Variants in DENND5A observed in about 807,000 individuals in gnomAD.
The protein encoded by DENND5A is DENN domain-containing protein 5A.
Under a neutral mutation model 140.3 loss-of-function variants are expected in DENND5A, and 64 were observed. That is an observed-to-expected ratio of 0.46 (90% confidence interval 0.37 to 0.56). The LOEUF is 0.56. Ranked by LOEUF, DENND5A falls within the 20% of genes least tolerant of loss-of-function variation. The pLI, the probability that DENND5A is intolerant of heterozygous loss-of-function variation, is 0.00. For synonymous variants in DENND5A, 605 were observed against 607.7 expected (o/e 1.00, Z 0.07); for missense variants, 1,292 against 1,593.8 (o/e 0.81, Z 3.22).
intron 3 of DENND5A, among the ~76,000 whole-genome samples, chr11:9,205,178 T>C (rs995010669): frequency 6.6e-6 from 1 of 152,314 alleles, no homozygotes; most frequent in African/African-American, 2.4e-5. Context: ...GCTCATTTCA[T>C]ATAAACCAAG....
chr11:9,193,237 A>C (rs1010944994), intron 5 of DENND5A, among the ~76,000 whole-genome samples: 1 of 152,222 alleles, frequency 6.6e-6, no homozygotes, highest in African/African-American at 2.4e-5. Context: ...TTAAAAAGCA[A>C]AACAAAACAA....
intron 21 of DENND5A, 25 bp from the exon 22 acceptor site, chr11:9,142,133 A>T: frequency 6.4e-7 from 1 of 1,554,688 alleles, no homozygotes; most frequent in Non-Finnish European, 8.7e-7. Flanking sequence ...AAAGCTTGCC[A>T]GTGAAAAGGC....
chr11:9,263,438 T>C (rs1045222503), intron 1 of DENND5A, among the ~76,000 whole-genome samples: 1 of 150,986 alleles, frequency 6.6e-6, no homozygotes, highest in African/African-American at 2.4e-5. Flanking sequence ...GCCAAATTGG[T>C]CTCGAACTCC....
chr11:9,144,699 G>C (rs1380959010), intron 18 of DENND5A, among the ~76,000 whole-genome samples: 1 of 151,482 alleles, frequency 6.6e-6, no homozygotes, highest in Non-Finnish European at 1.5e-5. Context: ...TGAGGCAGGA[G>C]AATCGCCTCA....
chr11:9,213,808 C>CAAAA (rs3074627), intron 1 of DENND5A, among the ~76,000 whole-genome samples: 2 of 69,628 alleles, frequency 2.9e-5, no homozygotes, highest in East Asian at 4.6e-4. Flanking sequence ...CTCCGTCTCC[C>CAAAA]AAAAAAAAAA....
At chr11:9,145,642 C>T (rs751721182) in intron 17 of DENND5A, 28 bp downstream of exon 17, 82 of 1,613,328 alleles carry the variant, frequency 5.1e-5, no homozygotes, top group Non-Finnish European at 6.7e-5. Flanking sequence ...CAGATCCCCA[C>T]AGAGCTGTGG....
chr11:9,232,595 A>G (rs1418907594), intron 1 of DENND5A, among the ~76,000 whole-genome samples: 3 of 152,200 alleles, frequency 2.0e-5, no homozygotes, highest in African/African-American at 7.2e-5. Context: ...GATAGGGAGT[A>G]ACCTACACTG....
At chr11:9,207,517 C>T (rs1374147692) in intron 2 of DENND5A, 44 bp downstream of exon 2, 3 of 1,424,776 alleles carry the variant, frequency 2.1e-6, no homozygotes, top group Admixed American at 1.7e-5. Context: ...TATGTAAGAA[C>T]CATTAGAAAG....
chr11:9,220,189 C>T (rs975851580), intron 1 of DENND5A, among the ~76,000 whole-genome samples: 3 of 152,144 alleles, frequency 2.0e-5, no homozygotes, highest in South Asian at 2.1e-4. Flanking sequence ...TGTGCTTAAA[C>T]GCCTGTGGCA....
At chr11:9,154,424 T>C (rs1221709658) in intron 12 of DENND5A, among the ~76,000 whole-genome samples, 1 of 152,046 alleles carries the variant, frequency 6.6e-6, no homozygotes, top group Non-Finnish European at 1.5e-5. Context: ...CTGAGGAAAA[T>C]TTTGTGCTAT....
At chr11:9,180,530 T>C (rs1408554873) in intron 6 of DENND5A, among the ~76,000 whole-genome samples, 1 of 152,216 alleles carries the variant, frequency 6.6e-6, no homozygotes, top group African/African-American at 2.4e-5. Flanking sequence ...TCACATAGAA[T>C]GATGGCAGAC....
chr11:9,257,013 T>C (rs551722095), intron 1 of DENND5A, among the ~76,000 whole-genome samples: 24 of 152,196 alleles, frequency 1.6e-4, no homozygotes, highest in South Asian at 1.5e-3. Context: ...GTTCTATTCA[T>C]GTCAATGCTT....
At chr11:9,219,358 T>G (rs1850221193) in intron 1 of DENND5A, among the ~76,000 whole-genome samples, 1 of 152,140 alleles carries the variant, frequency 6.6e-6, no homozygotes, top group East Asian at 1.9e-4. Flanking sequence ...TAGCACTGGA[T>G]TTCTCAATAG....
At chr11:9,185,392 C>T (rs1848875662) in intron 5 of DENND5A, among the ~76,000 whole-genome samples, 1 of 152,006 alleles carries the variant, frequency 6.6e-6, no homozygotes, top group African/African-American at 2.4e-5. Context: ...TTACTTTTTT[C>T]CCCTACAGAT....
intron 1 of DENND5A, among the ~76,000 whole-genome samples, chr11:9,214,142 T>C (rs1849994494): frequency 6.6e-6 from 1 of 152,238 alleles, no homozygotes. Flanking sequence ...GTATCTTTCC[T>C]GTTATAAACA....
At chr11:9,177,044 CAA>C (rs1356408354) in intron 8 of DENND5A, 1 of 396,352 alleles carries the variant, frequency 2.5e-6, no homozygotes, top group Non-Finnish European at 5.0e-6. Context: ...TGCTTGAGCC[CAA>C]GAGTTCGAGG....
At chr11:9,229,362 C>A (rs1044883273) in intron 1 of DENND5A, among the ~76,000 whole-genome samples, 1 of 151,874 alleles carries the variant, frequency 6.6e-6, no homozygotes, top group Non-Finnish European at 1.5e-5. Context: ...AAAAATGATA[C>A]CCCTAAGTAA....
In DENND5A at chr11:9,178,268, C is replaced by T. The variant is rs745331697; in HGVS notation, c.1770G>A (p.Met590Ile). ...GGTCTTTATCATCATCATCATGACA[C>T]ATTATTTTGTTGTCAATGAAAGATG... ...MFASFIDNKI[M>I]CHDDDDKDPV... The change falls in exon 8 of 23, where the codon ATG becomes ATA. Residue 590 changes from methionine (M) to isoleucine (I), a missense_variant. Met to Ile is a conservative substitution (Grantham distance 10, BLOSUM62 1). Coordinates refer to ENST00000328194, the MANE Select transcript of DENND5A (RefSeq NM_015213.4). 1 of 1,613,716 alleles carries T rather than the reference C, an allele frequency of 6.2e-7. No individual in the cohort carries two copies. The highest frequency in any genetic ancestry group is 1.1e-5 in the South Asian group (1 of 91,072).
chr11:9,258,843 G>A (rs1322163848), intron 1 of DENND5A, among the ~76,000 whole-genome samples: 3 of 152,138 alleles, frequency 2.0e-5, no homozygotes, highest in African/African-American at 7.2e-5. Flanking sequence ...GTTAACATTC[G>A]ATAATTTTGA....
Sources: gnomAD v4.1 joint callset for allele counts (sites outside exome capture counted in the v4.1 genomes callset) on GRCh38, gnomAD v4.1.1 for gene constraint, MANE v1.5 for transcripts, NCBI Gene and HGNC (gene_info 2026-07-23, HGNC 2026-07-21) for gene names.